GADL1: variants seen among roughly 807,000 people sequenced by gnomAD.
The protein encoded by GADL1 is GAD like acidic amino acid decarboxylase 1.
In GADL1, 71 loss-of-function variants were observed where a neutral mutation model predicts 69.5. The observed-to-expected ratio is 1.02, with a 90% CI of 0.84 to 1.25. The LOEUF (loss-of-function observed/expected upper bound fraction) is 1.25. GADL1 is among the 50% of genes most tolerant of loss of function. The probability of loss-of-function intolerance (pLI) is 0.00; values close to 1 mark genes in which losing one functional copy is unlikely to be tolerated. For missense variants in GADL1, 737 were observed against 631.8 expected (o/e 1.17, Z -1.79); for synonymous variants, 254 against 214.4 (o/e 1.18, Z -1.62).
At chr3:30,764,221 C>CTTAATAG (rs149303173) in intron 14 of GADL1, among the ~76,000 whole-genome samples, 66,527 of 151,542 alleles carry the variant, frequency 0.44, 14,559 homozygotes, top group African/African-American at 0.46. Context: ...GAAAAATTCT[C>CTTAATAG]TTAAGAGATT....
chr3:30,755,197 A>G (rs577623417), intron 14 of GADL1, among the ~76,000 whole-genome samples: 9 of 152,176 alleles, frequency 5.9e-5, no homozygotes, highest in Admixed American at 3.9e-4. Flanking sequence ...ACTGTAAATC[A>G]TATCATTTAT....
At chr3:30,854,824 C>CAA in intron 3 of GADL1, 35 bp from the exon 4 acceptor site, 1 of 1,097,906 alleles carries the variant, frequency 9.1e-7, no homozygotes. Flanking sequence ...ATCTATGCAG[C>CAA]AATAAAAAAA....
intron 14 of GADL1, among the ~76,000 whole-genome samples, chr3:30,767,539 T>C (rs541397196): frequency 6.6e-6 from 1 of 152,128 alleles, no homozygotes; most frequent in South Asian, 2.1e-4. Context: ...TTTGAGGAAA[T>C]GATCAGGTTA....
chr3:30,781,923 T>TG, intron 13 of GADL1, among the ~76,000 whole-genome samples: 1 of 152,326 alleles, frequency 6.6e-6, no homozygotes, highest in Non-Finnish European at 1.5e-5. Context: ...ACTATGTTAA[T>TG]TTCTTGGTAC....
intron 11 of GADL1, among the ~76,000 whole-genome samples, chr3:30,810,572 A>G (rs1024558447): frequency 6.6e-6 from 1 of 152,050 alleles, no homozygotes; most frequent in Non-Finnish European, 1.5e-5. Context: ...CAAAATCCTC[A>G]CTTTCCCACT....
intron 14 of GADL1, among the ~76,000 whole-genome samples, chr3:30,735,287 T>C (rs948662240): frequency 3.3e-5 from 5 of 152,214 alleles, no homozygotes; most frequent in African/African-American, 1.2e-4. Context: ...AATGAAATCA[T>C]TCACTCTATT....
intron 14 of GADL1, among the ~76,000 whole-genome samples, chr3:30,731,571 G>T (rs1695457196): frequency 6.6e-6 from 1 of 152,138 alleles, no homozygotes; most frequent in African/African-American, 2.4e-5. Flanking sequence ...AGATACTTTG[G>T]ATGTTTAAAT....
chr3:30,894,364 C>G (rs1698825285), intron 1 of GADL1, among the ~76,000 whole-genome samples: 1 of 152,206 alleles, frequency 6.6e-6, no homozygotes. Context: ...CGCGGTTCTT[C>G]GCGCTTTATA....
At chr3:30,850,625 G>A (rs1698133161) in intron 5 of GADL1, among the ~76,000 whole-genome samples, 1 of 151,906 alleles carries the variant, frequency 6.6e-6, no homozygotes, top group Admixed American at 6.6e-5. Flanking sequence ...TAAACTGTAG[G>A]CACCTCATTC....
At position 30,762,554 on chromosome 3, in the gene GADL1, C is replaced by CT. The variant is rs547366575; in HGVS notation, c.1392+15624dup. 1.9e-3 allele frequency among the ~76,000 whole-genome samples: 285 copies of CT among 152,206 alleles called. 1 individual carries two copies. The highest frequency in any genetic ancestry group is 6.4e-3 in the African/African-American group (267 of 41,536). On this transcript the variant is annotated intron_variant, in intron 14 of 14. Transcript: ENST00000282538. ...TAAGATGTTTTGATACAGGCATGCA[C>CT]TGAAATAAGCACATCATGAAAAATG... is the stretch of plus-strand genomic sequence containing the variant.
chr3:30,883,754 T>C (rs1410371915), intron 1 of GADL1, among the ~76,000 whole-genome samples: 1 of 152,038 alleles, frequency 6.6e-6, no homozygotes, highest in Non-Finnish European at 1.5e-5. Context: ...GTCTTAATAA[T>C]ACAATTTTCT....
At chr3:30,846,067 A>C (rs952284390) in intron 6 of GADL1, among the ~76,000 whole-genome samples, 14 of 152,016 alleles carry the variant, frequency 9.2e-5, no homozygotes, top group African/African-American at 2.9e-4. Context: ...AAAAAAAAAA[A>C]ACAAAAAACT....
chr3:30,785,956 C>T (rs1559499377), intron 13 of GADL1, among the ~76,000 whole-genome samples: 1 of 152,120 alleles, frequency 6.6e-6, no homozygotes, highest in Non-Finnish European at 1.5e-5. Flanking sequence ...AGCTAATATG[C>T]TCATTATTTT....
At chr3:30,753,524 A>G (rs923262291) in intron 14 of GADL1, among the ~76,000 whole-genome samples, 4 of 151,644 alleles carry the variant, frequency 2.6e-5, no homozygotes, top group African/African-American at 9.8e-5. Context: ...TAGAAAGGTG[A>G]TTAATGAAAA....
chr3:30,740,214 A>T (rs566102397), intron 14 of GADL1, among the ~76,000 whole-genome samples: 1 of 152,296 alleles, frequency 6.6e-6, no homozygotes, highest in African/African-American at 2.4e-5. Context: ...TTTGCTTGGC[A>T]AAAAGGGCTC....
intron 14 of GADL1, among the ~76,000 whole-genome samples, chr3:30,760,114 G>A (rs1005707954): frequency 6.6e-6 from 1 of 152,114 alleles, no homozygotes; most frequent in African/African-American, 2.4e-5. Context: ...CATGTTTCTA[G>A]AGAAATAATT....
At chr3:30,763,182 A>G (rs1696183579) in intron 14 of GADL1, among the ~76,000 whole-genome samples, 2 of 152,174 alleles carry the variant, frequency 1.3e-5, no homozygotes, top group Admixed American at 1.3e-4. Context: ...CAATGGGGTT[A>G]CATACCCATG....
At chr3:30,728,956 C>A (rs1034048843) in intron 14 of GADL1, among the ~76,000 whole-genome samples, 1 of 139,016 alleles carries the variant, frequency 7.2e-6, no homozygotes, top group South Asian at 2.2e-4. Flanking sequence ...TATTTTGAAG[C>A]CTAAGTTTAT....
chr3:30,820,944 T>G (rs1274532343), intron 11 of GADL1, among the ~76,000 whole-genome samples: 2 of 151,934 alleles, frequency 1.3e-5, no homozygotes, highest in Admixed American at 6.6e-5. Context: ...AATGATAGAC[T>G]GGATTAAGAA....
Sources: allele counts gnomAD v4.1 joint callset (sites outside exome capture counted in the v4.1 genomes callset), GRCh38; gene constraint gnomAD v4.1.1; transcripts MANE v1.5; gene names NCBI Gene and HGNC (gene_info 2026-07-23, HGNC 2026-07-21).